The following JMJD1C variants were observed in gnomAD, a reference collection of about 807,000 sequenced individuals.
JMJD1C encodes jumonji domain-containing protein 1C.
A neutral mutation model predicts 245.3 loss-of-function variants in JMJD1C; 31 were observed. The ratio of observed to expected loss-of-function variants is 0.13; its 90% CI spans 0.09 to 0.17. The LOEUF is 0.17. Ranked by LOEUF, JMJD1C falls within the 10% of genes least tolerant of loss-of-function variation. The pLI is 1.00. For synonymous variants in JMJD1C, 1,057 were observed against 1,017.4 expected, an observed-to-expected ratio of 1.04 and a Z score of -0.74; for missense variants, 2,691 against 3,000.2, an observed-to-expected ratio of 0.90 and a Z score of 2.41.
intron 1 of JMJD1C, among the ~76,000 whole-genome samples, chr10:63,500,931 A>T (rs1168681526): frequency 6.6e-6 from 1 of 152,236 alleles, no homozygotes; most frequent in African/African-American, 2.4e-5. Flanking sequence ...AACAGTTAAT[A>T]CATTTTTCAA....
At chr10:63,203,883 T>C (rs1490602671) in intron 10 of JMJD1C, 3 of 982,168 alleles carry the variant, frequency 3.1e-6, no homozygotes, top group Admixed American at 6.2e-5. Flanking sequence ...CCATGACTGA[T>C]GACAATTCTA....
intron 1 of JMJD1C, among the ~76,000 whole-genome samples, chr10:63,494,376 A>G (rs1050539671): frequency 1.3e-5 from 2 of 152,174 alleles, no homozygotes; most frequent in Non-Finnish European, 2.9e-5. Flanking sequence ...TTCATTATTA[A>G]ATAAGTTTCT....
At chr10:63,307,770 AGT>A (rs1938478921) in intron 2 of JMJD1C, among the ~76,000 whole-genome samples, 1 of 152,168 alleles carries the variant, frequency 6.6e-6, no homozygotes, top group African/African-American at 2.4e-5. Flanking sequence ...TTAGAAGTTT[AGT>A]CTCTGCAGAA....
intron 24 of JMJD1C, among the ~76,000 whole-genome samples, chr10:63,172,428 A>G (rs1842455256): frequency 6.6e-6 from 1 of 152,232 alleles, no homozygotes; most frequent in African/African-American, 2.4e-5. Flanking sequence ...ACCCTTGTGC[A>G]AAAACATGTT....
At chr10:63,518,932 C>G (rs956177084) in intron 1 of JMJD1C, among the ~76,000 whole-genome samples, 3 of 152,220 alleles carry the variant, frequency 2.0e-5, no homozygotes, top group Non-Finnish European at 4.4e-5. Flanking sequence ...AATTAGATCT[C>G]CAGTTCTGTT....
chr10:63,478,340 C>T (rs1953725334), intron 1 of JMJD1C, among the ~76,000 whole-genome samples: 1 of 152,214 alleles, frequency 6.6e-6, no homozygotes, highest in Admixed American at 6.5e-5. Flanking sequence ...CCCAAATGTA[C>T]ATAGCCGCTT....
At chr10:63,445,425 G>GA (rs373389246) in intron 1 of JMJD1C, among the ~76,000 whole-genome samples, 6 of 152,096 alleles carry the variant, frequency 3.9e-5, no homozygotes, top group African/African-American at 1.4e-4. Context: ...TATCTTTGGG[G>GA]AAAAAATTCT....
chr10:63,172,457 T>C (rs1315010722), intron 24 of JMJD1C, among the ~76,000 whole-genome samples: 1 of 152,218 alleles, frequency 6.6e-6, no homozygotes, highest in Non-Finnish European at 1.5e-5. Flanking sequence ...GAACGTATTT[T>C]CTGGCCTTCA....
intron 1 of JMJD1C, among the ~76,000 whole-genome samples, chr10:63,403,892 C>T (rs1285856042): frequency 2.0e-5 from 3 of 152,054 alleles, no homozygotes; most frequent in Admixed American, 6.6e-5. Context: ...GCCGAGATTG[C>T]GCCACTGCAC....
intron 3 of JMJD1C, among the ~76,000 whole-genome samples, chr10:63,224,796 G>C (rs1849043198): frequency 6.6e-6 from 1 of 152,116 alleles, no homozygotes; most frequent in African/African-American, 2.4e-5. Flanking sequence ...GGGTGCGATG[G>C]CTCACACTTA....
intron 1 of JMJD1C, among the ~76,000 whole-genome samples, chr10:63,438,860 C>A (rs1951204313): frequency 6.6e-6 from 1 of 152,156 alleles, no homozygotes; most frequent in Admixed American, 6.5e-5. Context: ...ACCTCCGCCC[C>A]CTCAACATTC....
chr10:63,168,208 T>C (rs1454270141), intron 25 of JMJD1C, 74 bp from the exon 26 acceptor site: 3 of 1,214,748 alleles, frequency 2.5e-6, no homozygotes, highest in African/African-American at 1.5e-5. Context: ...CTTCCAGATT[T>C]AAAAAAATAA....
At chr10:63,260,858 T>C (rs906196865) in intron 3 of JMJD1C, among the ~76,000 whole-genome samples, 4 of 152,128 alleles carry the variant, frequency 2.6e-5, no homozygotes, top group African/African-American at 9.7e-5. Context: ...CTCAAAGTGC[T>C]GGGATTACAG....
chr10:63,185,538 A>G, intron 20 of JMJD1C, 25 bp downstream of exon 20: 1 of 1,354,178 alleles, frequency 7.4e-7, no homozygotes, highest in Non-Finnish European at 1.1e-6. Flanking sequence ...CAAAAAGTCA[A>G]GAGTCAAAAT....
At position 63,215,168 on chromosome 10, in the gene JMJD1C, A is replaced by G. The variant is rs199894001; in HGVS notation, c.1016-17T>C. ...TAGGATTTTCTGTAGGATTAAAGAAAGAAGAGTCTTATTTTTCATACTAAA... is the reference window on the plus strand; with the variant it reads ...TAGGATTTTCTGTAGGATTAAAGAAGGAAGAGTCTTATTTTTCATACTAAA... On this transcript the variant is annotated splice_polypyrimidine_tract_variant and intron_variant, in intron 7 of 25. Transcript: ENST00000399262. 1.9e-4 allele frequency: 292 copies of G among 1,519,082 alleles called. No individual in the cohort carries two copies. The highest frequency in any genetic ancestry group is 2.4e-4 in the Non-Finnish European group (270 of 1,125,308). The allele number at this position is 1,519,082 out of a possible 1,614,324, so 94.1% of individuals were successfully genotyped here. A position where few individuals can be genotyped will look rare whatever the true frequency, so the allele number is the denominator to read the frequency against.
Position 63,200,546 on chromosome 10 carries a change from G to T in JMJD1C, c.5206C>A (p.Leu1736Ile). Reference protein sequence around the residue: ...PNLQKCRECRLIRSKKGEEPA... With the variant: ...PNLQKCRECRIIRSKKGEEPA... ...TCTTCTCCTTTTTTACTGCGAATAAGTCTACATTCTCGACACTTTTGTAAA... is the reference window on the plus strand; with the variant it reads ...TCTTCTCCTTTTTTACTGCGAATAATTCTACATTCTCGACACTTTTGTAAA... Residue 1736 changes from leucine (L) to isoleucine (I), a missense_variant, in exon 11 of 26, where the codon CTT (leucine) becomes ATT (isoleucine). Around this residue, in one of 9 missense-constraint regions of JMJD1C, gnomAD observed 139 missense variants for 270.5 expected, o/e 0.51. Transcript: ENST00000399262. 6.2e-7 allele frequency: 1 copy of T among 1,613,860 alleles called. No homozygotes were observed. The highest frequency in any genetic ancestry group is 8.5e-7 in the Non-Finnish European group (1 of 1,179,882).
intron 2 of JMJD1C, among the ~76,000 whole-genome samples, chr10:63,361,719 T>TAAAAAAAAAAAAAAAAAAAA (rs55879769): frequency 2.1e-5 from 2 of 95,606 alleles, no homozygotes; most frequent in African/African-American, 8.8e-5. Flanking sequence ...CTGTCTCAAC[T>TAAAAAAAAAAAAAAAAAAAA]AAAAAAAAAA....
intron 3 of JMJD1C, among the ~76,000 whole-genome samples, chr10:63,224,425 G>C (rs1356238235): frequency 1.3e-5 from 2 of 152,144 alleles, no homozygotes; most frequent in Non-Finnish European, 2.9e-5. Context: ...CCAATGCACT[G>C]CCTGATTTAT....
chr10:63,282,520 A>G (rs1857529875), intron 2 of JMJD1C, among the ~76,000 whole-genome samples: 1 of 152,190 alleles, frequency 6.6e-6, no homozygotes, highest in Admixed American at 6.5e-5. Context: ...TTTTTCACAC[A>G]ATTAAAGATT....
Sources: gnomAD v4.1 joint callset for allele counts (sites outside exome capture counted in the v4.1 genomes callset) on GRCh38, gnomAD v4.1.1 for gene constraint, gnomAD v4.1.1 regional missense constraint, MANE v1.5 for transcripts, NCBI Gene and HGNC (gene_info 2026-07-23, HGNC 2026-07-21) for gene names.